Variants in CNTNAP2 observed in about 807,000 individuals in gnomAD.
CNTNAP2 encodes the protein contactin-associated protein-like 2.
A neutral mutation model predicts 155.2 loss-of-function variants in CNTNAP2; 98 were observed. That is an observed-to-expected ratio of 0.63 (90% CI 0.54 to 0.75). The LOEUF (loss-of-function observed/expected upper bound fraction) is 0.75. CNTNAP2 is among the 30% of genes least tolerant of loss of function. CNTNAP2 has a pLI of 0.00. For missense variants in CNTNAP2, 1,727 were observed against 1,688.1 expected (o/e 1.02, Z -0.40); for synonymous variants, 651 against 631.2 (o/e 1.03, Z -0.47).
intron 18 of CNTNAP2, among the ~76,000 whole-genome samples, chr7:148,187,066 C>T (rs750261705): frequency 2.0e-5 from 3 of 151,608 alleles, no homozygotes; most frequent in Non-Finnish European, 4.4e-5. Context: ...CTTTCTTTGC[C>T]GTTCTTTCTG....
chr7:148,178,545 T>C (rs955727398), intron 18 of CNTNAP2, among the ~76,000 whole-genome samples: 1 of 152,232 alleles, frequency 6.6e-6, no homozygotes. Context: ...ATAATCTGTA[T>C]TATTAAGATG....
At chr7:146,286,294 C>A (rs1353327775) in intron 1 of CNTNAP2, among the ~76,000 whole-genome samples, 3 of 151,810 alleles carry the variant, frequency 2.0e-5, no homozygotes, top group African/African-American at 7.3e-5. Context: ...TTCTCTCTCT[C>A]TCTCTTTTTA....
intron 13 of CNTNAP2, among the ~76,000 whole-genome samples, chr7:147,650,258 A>G (rs1403346984): frequency 6.6e-6 from 1 of 152,224 alleles, no homozygotes; most frequent in South Asian, 2.1e-4. Context: ...GGAAATACCT[A>G]AAGTATTACT....
At chr7:146,256,402 C>T (rs1232770277) in intron 1 of CNTNAP2, among the ~76,000 whole-genome samples, 2 of 151,876 alleles carry the variant, frequency 1.3e-5, no homozygotes, top group Non-Finnish European at 2.9e-5. Flanking sequence ...CTGTGAAATT[C>T]CTAGAGAAAT....
chr7:147,654,804 A>ATTTTT (rs1795500468), intron 13 of CNTNAP2, among the ~76,000 whole-genome samples: 7 of 104,018 alleles, frequency 6.7e-5, no homozygotes, highest in African/African-American at 1.3e-4. Context: ...AGCAAAATAT[A>ATTTTT]TTTCTTTTTT....
chr7:146,153,358 T>C (rs1475821774), intron 1 of CNTNAP2, among the ~76,000 whole-genome samples: 4 of 152,142 alleles, frequency 2.6e-5, no homozygotes, highest in Non-Finnish European at 4.4e-5. Context: ...CACGTAAGAA[T>C]TGCTTATATT....
At chr7:147,796,808 T>C (rs1323562080) in intron 13 of CNTNAP2, among the ~76,000 whole-genome samples, 1 of 152,182 alleles carries the variant, frequency 6.6e-6, no homozygotes, top group Non-Finnish European at 1.5e-5. Context: ...GCTGATGCCC[T>C]CCTGCAGCAC....
chr7:148,364,335 G>A lies in CNTNAP2; in HGVS notation c.3476-19314G>A, dbSNP rs192567370. Among the ~76,000 whole-genome samples the A allele has an allele frequency of 6.1e-4, 93 of 152,122 alleles. 1 individual carries two copies. The highest frequency in any genetic ancestry group is 2.1e-3 in the African/African-American group (87 of 41,494). On this transcript the variant is annotated intron_variant, in intron 21 of 23. Coordinates refer to ENST00000361727, the MANE Select transcript of CNTNAP2 (RefSeq NM_014141.6). ...CTCAGGGATTGTAAATACACCAATC[G>A]GGACTCTATATCTAGCTCAAGGTTT...
At chr7:147,941,101 G>T (rs1800713324) in intron 14 of CNTNAP2, among the ~76,000 whole-genome samples, 1 of 152,150 alleles carries the variant, frequency 6.6e-6, no homozygotes, top group East Asian at 1.9e-4. Context: ...GCCACAGTCT[G>T]GCGCTGAGAG....
chr7:146,541,777 A>C (rs1350144271), intron 1 of CNTNAP2, among the ~76,000 whole-genome samples: 2 of 152,010 alleles, frequency 1.3e-5, no homozygotes, highest in Non-Finnish European at 2.9e-5. Flanking sequence ...GACAAGAAGC[A>C]CATTATGTCA....
chr7:146,871,148 T>G (rs1049036777), intron 3 of CNTNAP2, among the ~76,000 whole-genome samples: 28 of 152,202 alleles, frequency 1.8e-4, no homozygotes, highest in Admixed American at 1.4e-3. Context: ...TGTGACGAAT[T>G]AGGCAACTTA....
intron 1 of CNTNAP2, among the ~76,000 whole-genome samples, chr7:146,200,814 T>C (rs1370894435): frequency 6.6e-6 from 1 of 152,182 alleles, no homozygotes; most frequent in East Asian, 1.9e-4. Context: ...AACACATGAC[T>C]CTGTATTCCA....
chr7:147,482,041 A>T (rs1798430909), intron 10 of CNTNAP2, among the ~76,000 whole-genome samples: 2 of 152,244 alleles, frequency 1.3e-5, no homozygotes, highest in Non-Finnish European at 2.9e-5. Flanking sequence ...CATTGCATTC[A>T]TCCATTCTTT....
intron 1 of CNTNAP2, among the ~76,000 whole-genome samples, chr7:146,701,880 A>G (rs1019365719): frequency 1.3e-5 from 2 of 152,212 alleles, no homozygotes; most frequent in Non-Finnish European, 2.9e-5. Flanking sequence ...TTCTGTGGAC[A>G]AAACATAGGC....
intron 20 of CNTNAP2, chr7:148,263,076 C>G (rs1185203987): frequency 6.6e-6 from 1 of 152,184 alleles, no homozygotes; most frequent in South Asian, 2.1e-4. Context: ...AGAGAGAAGA[C>G]GTAAGGACGC....
At chr7:147,083,813 ATAT>A (rs948925596) in intron 4 of CNTNAP2, among the ~76,000 whole-genome samples, 27 of 138,734 alleles carry the variant, frequency 1.9e-4, no homozygotes, top group African/African-American at 6.8e-4. Flanking sequence ...ATGTATGTAC[ATAT>A]TATATACATA....
intron 9 of CNTNAP2, among the ~76,000 whole-genome samples, chr7:147,363,491 A>G (rs766084754): frequency 1.2e-4 from 18 of 152,208 alleles, no homozygotes; most frequent in South Asian, 4.1e-4. Flanking sequence ...TATTTTTCTA[A>G]CTGCACATTA....
chr7:148,212,063 A>T (rs1029946096), intron 18 of CNTNAP2, among the ~76,000 whole-genome samples: 2 of 152,172 alleles, frequency 1.3e-5, no homozygotes, highest in African/African-American at 4.8e-5. Context: ...TTTAACTTGG[A>T]GAAGAGAAAG....
chr7:146,588,409 C>CT (rs1312370354), intron 1 of CNTNAP2, among the ~76,000 whole-genome samples: 1 of 151,910 alleles, frequency 6.6e-6, no homozygotes, highest in Non-Finnish European at 1.5e-5. Context: ...TGAGATACAA[C>CT]TTTTTAAAAT....
Sources: gnomAD v4.1 joint callset for allele counts (sites outside exome capture counted in the v4.1 genomes callset) on GRCh38, gnomAD v4.1.1 for gene constraint, MANE v1.5 for transcripts, NCBI Gene and HGNC (gene_info 2026-07-23, HGNC 2026-07-21) for gene names.